Variants in ST6GAL1 observed in about 807,000 individuals in gnomAD.
ST6GAL1 encodes the protein beta-galactoside alpha-2,6-sialyltransferase 1.
ST6GAL1 carries 20 observed loss-of-function variants against 38.0 expected under a neutral mutation model. That is an observed-to-expected ratio of 0.53 (90% CI 0.37 to 0.77). ST6GAL1 has a LOEUF of 0.77. Among genes scored for constraint, ST6GAL1 ranks in the 30% least tolerant of loss-of-function variants. The pLI, the probability that ST6GAL1 is intolerant of heterozygous loss-of-function variation, is 0.00. For synonymous variants in ST6GAL1, 196 were observed against 188.2 expected (o/e 1.04, Z -0.34); for missense variants, 432 against 496.4 (o/e 0.87, Z 1.23).
chr3:186,987,146 A>G (rs1358908924), intron 2 of ST6GAL1, among the ~76,000 whole-genome samples: 4 of 129,508 alleles, frequency 3.1e-5, no homozygotes, highest in Admixed American at 2.6e-4. Context: ...AGAAAGAAGG[A>G]AGGGAGGGAG....
intron 1 of ST6GAL1, 138 bp downstream of exon 1, chr3:186,930,972 C>T (rs1344425787): frequency 6.5e-6 from 1 of 153,070 alleles, no homozygotes; most frequent in East Asian, 1.9e-4. Context: ...TCCAGCTCCG[C>T]CTCAGCTGCC....
At chr3:186,981,844 A>G (rs1284502239) in intron 2 of ST6GAL1, among the ~76,000 whole-genome samples, 2 of 152,338 alleles carry the variant, frequency 1.3e-5, no homozygotes, top group Non-Finnish European at 2.9e-5. Flanking sequence ...AGCTGAAGGA[A>G]ACCCTCTGAA....
At chr3:186,976,595 A>AT (rs34631478) in intron 2 of ST6GAL1, among the ~76,000 whole-genome samples, 23,133 of 151,844 alleles carry the variant, frequency 0.15, 2,129 homozygotes, top group Non-Finnish European at 0.2. Flanking sequence ...ACACCCGGCT[A>AT]TTTTTTACAT....
intron 2 of ST6GAL1, chr3:187,024,987 G>GCGT (rs1004242584): frequency 7.4e-6 from 1 of 135,212 alleles, no homozygotes; most frequent in African/African-American, 3.1e-5. Flanking sequence ...AGAACCTGGT[G>GCGT]CGTGTGTGTG....
chr3:187,001,505 G>T (rs1716613912), intron 2 of ST6GAL1, among the ~76,000 whole-genome samples: 1 of 152,146 alleles, frequency 6.6e-6, no homozygotes, highest in South Asian at 2.1e-4. Context: ...TTGCTTTCTG[G>T]AGGCCCACTT....
At chr3:187,005,727 C>T (rs1173506033) in intron 2 of ST6GAL1, among the ~76,000 whole-genome samples, 2 of 151,992 alleles carry the variant, frequency 1.3e-5, no homozygotes, top group Non-Finnish European at 2.9e-5. Context: ...TTTTGAGATC[C>T]ACTGATGTAA....
At chr3:186,953,118 T>C (rs1714636910) in intron 1 of ST6GAL1, among the ~76,000 whole-genome samples, 1 of 152,186 alleles carries the variant, frequency 6.6e-6, no homozygotes, top group Non-Finnish European at 1.5e-5. Context: ...CTGCTTGTAG[T>C]CTTGCTCCTG....
chr3:187,062,675 G>A (rs1718963211), intron 5 of ST6GAL1, among the ~76,000 whole-genome samples: 1 of 152,054 alleles, frequency 6.6e-6, no homozygotes, highest in Non-Finnish European at 1.5e-5. Context: ...ACTGTTTAAT[G>A]AGTATAGAGT....
intron 1 of ST6GAL1, among the ~76,000 whole-genome samples, chr3:186,951,010 A>AATCTGAGTGTG (rs1714556800): frequency 6.6e-6 from 1 of 152,216 alleles, no homozygotes; most frequent in Non-Finnish European, 1.5e-5. Context: ...CTACTCCACA[A>AATCTGAGTGTG]ATCTGAGTGT....
At chr3:187,011,548 A>G (rs531597500) in intron 2 of ST6GAL1, among the ~76,000 whole-genome samples, 2 of 152,280 alleles carry the variant, frequency 1.3e-5, no homozygotes, top group Middle Eastern at 3.4e-3. Flanking sequence ...TGTCCTTGGG[A>G]AGCTGAGGCT....
intron 6 of ST6GAL1, chr3:187,073,726 T>G (rs1242604196): frequency 6.5e-6 from 1 of 154,520 alleles, no homozygotes; most frequent in African/African-American, 2.4e-5. Flanking sequence ...TATCTGACTT[T>G]CAACAGTTTT....
In ST6GAL1 at chr3:187,050,534, A is replaced by AAGAG. The variant is rs147505225; in HGVS notation, c.608-692_608-689dup. On this transcript the variant is annotated intron_variant, in intron 4 of 7. Transcript: ENST00000169298. ...TGTTTCTGACAATGGCTTACAAAGA[A>AAGAG]AGAGAGAGAGAGAGAGAGAGAGAGA... Among the ~76,000 whole-genome samples the AAGAG allele has an allele frequency of 2.8e-4, 25 of 87,870 alleles. No individual in the cohort carries two copies. The East Asian group carries it at 3.0e-3, about 11-fold the overall frequency. 57.6% of individuals were successfully genotyped at this position (87,870 alleles called of 152,430 possible).
chr3:187,063,828 T>G (rs1448227025), intron 5 of ST6GAL1, among the ~76,000 whole-genome samples: 1 of 152,216 alleles, frequency 6.6e-6, no homozygotes, highest in East Asian at 1.9e-4. Context: ...TGTGAGTGAC[T>G]TCAGCAAGTT....
chr3:187,031,400 G>A (rs1403552691), intron 2 of ST6GAL1, among the ~76,000 whole-genome samples: 1 of 152,080 alleles, frequency 6.6e-6, no homozygotes, highest in African/African-American at 2.4e-5. Context: ...ATCCACAGAG[G>A]AAGGGATGGT....
At chr3:187,048,590 GGTT>G (rs1718388178) in intron 4 of ST6GAL1, among the ~76,000 whole-genome samples, 1 of 152,184 alleles carries the variant, frequency 6.6e-6, no homozygotes, top group South Asian at 2.1e-4. Flanking sequence ...CTTATATGTA[GGTT>G]GTTGTCCGTC....
At chr3:186,939,883 C>G (rs1288832270) in intron 1 of ST6GAL1, among the ~76,000 whole-genome samples, 1 of 152,200 alleles carries the variant, frequency 6.6e-6, no homozygotes, top group African/African-American at 2.4e-5. Flanking sequence ...GAGAAGGTCC[C>G]AGTCCTTGGT....
rs189412247 is a variant in ST6GAL1 at position 187,022,359 on chromosome 3, G to A, written c.-182-16383G>A. Reference sequence around the variant, plus strand: ...AGAGTTTTCCCTACACAGGGACTTGGGGGGTAGAGGGTTAGGGGAGGGCTG... The same window carrying A: ...AGAGTTTTCCCTACACAGGGACTTGAGGGGTAGAGGGTTAGGGGAGGGCTG... On this transcript the variant is annotated intron_variant, in intron 2 of 7. Transcript: ENST00000169298. Among the ~76,000 whole-genome samples, 7 of 152,262 alleles carry A rather than the reference G, an allele frequency of 4.6e-5. No homozygotes were observed. In the South Asian group the frequency reaches 1.2e-3, roughly 27 times the overall value.
chr3:187,016,772 C>T (rs1053680955), intron 2 of ST6GAL1, among the ~76,000 whole-genome samples: 1 of 152,234 alleles, frequency 6.6e-6, no homozygotes, highest in African/African-American at 2.4e-5. Flanking sequence ...AAGTTGAGTT[C>T]TGGCCTTGGC....
intron 2 of ST6GAL1, among the ~76,000 whole-genome samples, chr3:186,984,455 C>T (rs1371097984): frequency 1.3e-5 from 2 of 152,122 alleles, no homozygotes; most frequent in Non-Finnish European, 1.5e-5. Flanking sequence ...TCCACCTCCC[C>T]GACATCGTTG....
Sources: gnomAD v4.1 joint callset for allele counts (sites outside exome capture counted in the v4.1 genomes callset) on GRCh38, gnomAD v4.1.1 for gene constraint, MANE v1.5 for transcripts, NCBI Gene and HGNC (gene_info 2026-07-23, HGNC 2026-07-21) for gene names.